Variants in EYS observed in about 807,000 individuals in gnomAD.
EYS encodes protein eyes shut homolog.
In EYS, 250 loss-of-function variants were observed where a neutral mutation model predicts 282.1. That is an observed-to-expected ratio of 0.89 (90% confidence interval 0.80 to 0.98). The LOEUF is 0.98. Among genes scored for constraint, EYS ranks in the 50% least tolerant of loss-of-function variants. The pLI, the probability that EYS is intolerant of heterozygous loss-of-function variation, is 0.00. For synonymous variants in EYS, 1,355 were observed against 1,282.9 expected (o/e 1.06, Z -1.20); for missense variants, 4,016 against 3,709.0 (o/e 1.08, Z -2.15).
chr6:64,392,855 G>C (rs1226643300), intron 28 of EYS, among the ~76,000 whole-genome samples: 2 of 151,628 alleles, frequency 1.3e-5, no homozygotes, highest in Non-Finnish European at 2.9e-5. Context: ...TTTTTGAAAG[G>C]ATCAACAAAA....
intron 8 of EYS, among the ~76,000 whole-genome samples, chr6:65,370,886 T>C (rs2150341418): frequency 6.6e-6 from 1 of 152,066 alleles, no homozygotes; most frequent in African/African-American, 2.4e-5. Context: ...AAGAAACAAA[T>C]ATATCTTTCT....
chr6:64,027,310 C>T (rs1157122770), intron 33 of EYS, among the ~76,000 whole-genome samples: 1 of 152,166 alleles, frequency 6.6e-6, no homozygotes, highest in African/African-American at 2.4e-5. Context: ...TTCTGCCTTC[C>T]TCAAGTGGCT....
At chr6:64,375,565 G>A (rs1772535607) in intron 29 of EYS, among the ~76,000 whole-genome samples, 1 of 152,186 alleles carries the variant, frequency 6.6e-6, no homozygotes, top group Admixed American at 6.5e-5. Context: ...TGGGGTAGGA[G>A]ATATGGCAGA....
chr6:63,812,443 A>C (rs1771071830), intron 36 of EYS, among the ~76,000 whole-genome samples: 1 of 151,030 alleles, frequency 6.6e-6, no homozygotes, highest in Non-Finnish European at 1.5e-5. Context: ...GCCCTTCCCA[A>C]CCCCGTACTC....
At chr6:64,315,819 T>A (rs1382766200) in intron 29 of EYS, among the ~76,000 whole-genome samples, 15 of 151,182 alleles carry the variant, frequency 9.9e-5, no homozygotes, top group Admixed American at 9.9e-4. Context: ...AAACCCTCAA[T>A]AAAATGCTGG....
intron 22 of EYS, among the ~76,000 whole-genome samples, chr6:64,793,503 T>G (rs2150002185): frequency 6.6e-6 from 1 of 152,288 alleles, no homozygotes; most frequent in African/African-American, 2.4e-5. Flanking sequence ...GCATATTGGA[T>G]AATTTTGCCT....
At chr6:63,843,382 T>C (rs1008558967) in intron 36 of EYS, among the ~76,000 whole-genome samples, 2 of 152,098 alleles carry the variant, frequency 1.3e-5, no homozygotes, top group Admixed American at 6.6e-5. Flanking sequence ...TGAATGGGAG[T>C]TCACTCATGA....
At chr6:63,810,844 T>G (rs887652856) in intron 36 of EYS, among the ~76,000 whole-genome samples, 1 of 152,196 alleles carries the variant, frequency 6.6e-6, no homozygotes, top group African/African-American at 2.4e-5. Context: ...ATTTATTGTC[T>G]CTTATGAATT....
chr6:65,592,746 C>T (rs916047850), intron 2 of EYS, among the ~76,000 whole-genome samples: 1 of 151,962 alleles, frequency 6.6e-6, no homozygotes, highest in African/African-American at 2.4e-5. Context: ...CTACACATAT[C>T]CTTAAAATTT....
At chr6:64,016,915 T>C (rs1029832742) in intron 33 of EYS, among the ~76,000 whole-genome samples, 6 of 152,118 alleles carry the variant, frequency 3.9e-5, no homozygotes, top group African/African-American at 9.7e-5. Context: ...CTTCTGAAGG[T>C]ATCCCTGTCT....
chr6:64,388,638 T>C, intron 29 of EYS, 52 bp downstream of exon 29: 1 of 1,370,706 alleles, frequency 7.3e-7, no homozygotes, highest in Non-Finnish European at 9.7e-7. Context: ...AATATGATGA[T>C]TTTCAATAAT....
At chr6:64,483,602 T>C (rs1452492740) in intron 26 of EYS, among the ~76,000 whole-genome samples, 1 of 151,630 alleles carries the variant, frequency 6.6e-6, no homozygotes, top group Non-Finnish European at 1.5e-5. Flanking sequence ...TCTCTGCTTC[T>C]TCATAGTTTT....
chr6:64,422,368 C>T (rs1219829575), intron 28 of EYS, among the ~76,000 whole-genome samples: 1 of 152,122 alleles, frequency 6.6e-6, no homozygotes, highest in African/African-American at 2.4e-5. Context: ...GCCTATCCCT[C>T]TTGGAATATG....
At chr6:64,532,734 A>T (rs142100912) in intron 26 of EYS, among the ~76,000 whole-genome samples, 1,868 of 152,170 alleles carry the variant, frequency 0.012, 28 homozygotes, top group African/African-American at 0.043. Context: ...AATTAAATTA[A>T]ATTAAATATT....
chr6:65,124,778 A>G (rs1257559446), intron 12 of EYS, among the ~76,000 whole-genome samples: 1 of 152,186 alleles, frequency 6.6e-6, no homozygotes, highest in East Asian at 1.9e-4. Context: ...GTGTTTGAAT[A>G]GGTGTAATTT....
chr6:64,670,104 C>T (rs901516207), intron 22 of EYS, among the ~76,000 whole-genome samples: 9 of 152,070 alleles, frequency 5.9e-5, no homozygotes, highest in Non-Finnish European at 1.3e-4. Flanking sequence ...CTGATCTCCC[C>T]GTCTCTAAGG....
chr6:64,164,863 TAGAA>T (rs1190368287), intron 31 of EYS, among the ~76,000 whole-genome samples: 1 of 152,184 alleles, frequency 6.6e-6, no homozygotes, highest in African/African-American at 2.4e-5. Context: ...TTCTACTAAA[TAGAA>T]AGATTAGCCA....
intron 24 of EYS, among the ~76,000 whole-genome samples, chr6:64,606,893 C>T (rs1344589944): frequency 6.6e-6 from 1 of 152,050 alleles, no homozygotes; most frequent in Non-Finnish European, 1.5e-5. Flanking sequence ...TCAAAAGCAG[C>T]AAGCAAGATA....
chr6:65,438,829 C>T (rs550693476), intron 5 of EYS, among the ~76,000 whole-genome samples: 106 of 152,144 alleles, frequency 7.0e-4, no homozygotes, highest in African/African-American at 2.5e-3. Flanking sequence ...ATGGTAGTTT[C>T]TTTTGCTGTG....
Sources: allele counts gnomAD v4.1 joint callset (sites outside exome capture counted in the v4.1 genomes callset), GRCh38; gene constraint gnomAD v4.1.1; transcripts MANE v1.5; gene names NCBI Gene and HGNC (gene_info 2026-07-23, HGNC 2026-07-21).